Variants in ZNF721 observed in about 807,000 individuals in gnomAD.
The protein encoded by ZNF721 is zinc finger protein 721.
A neutral mutation model predicts 2.4 loss-of-function variants in ZNF721; 2 were observed. That is an observed-to-expected ratio of 0.82 (90% CI 0.34 to 2.58). The LOEUF (loss-of-function observed/expected upper bound fraction) is 2.58, where lower values mean the gene tolerates loss of function less well. Among genes scored for constraint, ZNF721 ranks in the 30% most tolerant of loss-of-function variants. The pLI, the probability that ZNF721 is intolerant of heterozygous loss-of-function variation, is 0.11. For missense variants in ZNF721, 1,187 were observed against 1,085.5 expected (o/e 1.09, Z -1.31); for synonymous variants, 398 against 381.8 (o/e 1.04, Z -0.50).
chr4:442,745 T>C lies in ZNF721; in HGVS notation c.1722A>G (p.Val574=), dbSNP rs200938371. 937 of 1,614,226 alleles carry C rather than the reference T, an allele frequency of 5.8e-4. 4 individuals are homozygous for C. In the Middle Eastern group the frequency reaches 0.01, roughly 18 times the overall value. Residue 574 remains valine, a synonymous_variant, in exon 3 of 3, where the codon GTA becomes GTG. Coordinates refer to ENST00000511833, the MANE Select transcript of ZNF721 (RefSeq NM_133474.4). ...KTFRQSANLY[V]HRRIHTGEKP... is the part of the protein sequence containing the mutation. Reference sequence around the variant, plus strand: ...TCTCTCCAGTATGAATTCTCCTATGTACATAAAGGTTTGCGGACTGTCTAA... The same window carrying C: ...TCTCTCCAGTATGAATTCTCCTATGCACATAAAGGTTTGCGGACTGTCTAA...
chr4:444,374 G>C lies in ZNF721; in HGVS notation c.93C>G (p.Phe31Leu), dbSNP rs782400170. Residue 31 changes from phenylalanine (F) to leucine (L), a missense_variant, in exon 3 of 3, where the codon TTC becomes TTG. Coordinates refer to ENST00000511833, the MANE Select transcript of ZNF721 (RefSeq NM_133474.4). ...CATATCTTCTCAGTATAAGTTTGTG[G>C]AATGAATCTTCTATCCCCTGCACTG... ...FLPVQGIEDS[F>L]HKLILRRYEK... 13 of 1,612,426 alleles carry C rather than the reference G, an allele frequency of 8.1e-6. No homozygotes were observed. In the South Asian group the frequency reaches 8.8e-5, roughly 11 times the overall value.
At position 444,035 on chromosome 4, in the gene ZNF721, T is replaced by C. The variant is rs782261910; in HGVS notation, c.432A>G (p.Lys144=). ...TCAGGTCTGTGTACCATCCAAAGTC[T>C]TTGCCACGTTCTTCACAAGTGTAGG... ...EKPYTCEERG[K]DFGWYTDLNQ... The change falls in exon 3 of 3, where the codon AAA becomes AAG. Residue 144 remains lysine, a synonymous_variant. Transcript: ENST00000511833. 3 of 1,613,734 alleles carry C rather than the reference T, an allele frequency of 1.9e-6. No homozygotes were observed. Among genetic ancestry groups the C allele is most frequent in the Non-Finnish European group, 1.7e-6 (2 of 1,179,758 alleles).
chr4:444,233 GCT>G lies in ZNF721; in HGVS notation c.232_233del (p.Ser78GlnfsTer6), dbSNP rs1290636101. ...CACGTGCATTACATTGAAATATTTT[GCT>G]CTGAGTATTTGACAAGCATTTATTA... ...GINKCLSNTQ[S>X]KIFQCNARVK... On this transcript the variant is annotated frameshift_variant, in exon 3 of 3. Coordinates refer to ENST00000511833, the MANE Select transcript of ZNF721 (RefSeq NM_133474.4). LOFTEE classifies it low-confidence loss of function (END_TRUNC). 2.5e-6 allele frequency: 4 copies of G among 1,613,442 alleles called. No individual in the cohort carries two copies. The highest frequency in any genetic ancestry group is 2.7e-5 in the African/African-American group (2 of 74,860).
rs1413928848 is a variant in ZNF721, at chr4:445,966, G to A, written c.35-1534C>T. Among the ~76,000 whole-genome samples the A allele has an allele frequency of 3.3e-5, 5 of 151,912 alleles. No homozygotes were observed. The East Asian group carries it at 7.7e-4, about 23-fold the overall frequency. On this transcript the variant is annotated intron_variant, in intron 2 of 2. Transcript: ENST00000511833. ...GGAACTGCAATATAATTAAGATGCT[G>A]GAGAAAAAAAAATTCTACATGGGAA... is the stretch of plus-strand genomic sequence containing the variant.
intron 2 of ZNF721, among the ~76,000 whole-genome samples, chr4:447,956 T>C (rs1254904445): frequency 2.0e-5 from 3 of 152,128 alleles, no homozygotes; most frequent in South Asian, 4.1e-4. Flanking sequence ...AAAAGCAATA[T>C]AATTATACTA....
At chr4:474,193 G>A in intron 1 of ZNF721, 1 of 442,248 alleles carries the variant, frequency 2.3e-6, no homozygotes, top group Non-Finnish European at 4.2e-6. Context: ...CTCAGACTGC[G>A]CGCCTGATTG....
At chr4:456,240 T>G (rs1553865430) in intron 2 of ZNF721, among the ~76,000 whole-genome samples, 1 of 152,060 alleles carries the variant, frequency 6.6e-6, no homozygotes, top group Non-Finnish European at 1.5e-5. Context: ...CTGGCTAATT[T>G]TCTATTTTTA....
Position 469,452 on chromosome 4 carries a change from C to A in ZNF721, c.34+3123G>T, listed in dbSNP as rs782577546. Among the ~76,000 whole-genome samples, 3 of 151,996 alleles carry A rather than the reference C, an allele frequency of 2.0e-5. No individual in the cohort carries two copies. In the South Asian group the frequency reaches 6.2e-4, roughly 31 times the overall value. ...CAATAATGACAGAAATTGAAGCAGA[C>A]ACAAACACATATTTCATTAGGATCA... On this transcript the variant is annotated intron_variant, in intron 2 of 2. Coordinates refer to ENST00000511833, the MANE Select transcript of ZNF721 (RefSeq NM_133474.4).
intron 1 of ZNF721, among the ~76,000 whole-genome samples, chr4:493,684 C>A (rs1395796021): frequency 3.7e-4 from 46 of 123,122 alleles, no homozygotes; most frequent in African/African-American, 7.3e-4. Flanking sequence ...ATCCCCCCCG[C>A]AAAAAAAAAA....
intron 2 of ZNF721, among the ~76,000 whole-genome samples, chr4:454,643 C>A (rs189490765): frequency 8.3e-4 from 127 of 152,198 alleles, no homozygotes; most frequent in African/African-American, 2.9e-3. Flanking sequence ...CTATGCCTTC[C>A]CCATGTATCT....
At position 441,896 on chromosome 4, in the gene ZNF721, T is replaced by C. The variant is rs782755077; in HGVS notation, c.2571A>G (p.Arg857=). 4.3e-6 allele frequency: 7 copies of C among 1,613,846 alleles called. No homozygotes were observed. The East Asian group carries it at 1.6e-4, about 36-fold the overall frequency. ...TGTAGGGTTTCTCTCCAGTATGAATTCTCCTATGTACATAAAGGATTGCTG... is the reference window on the plus strand; with the variant it reads ...TGTAGGGTTTCTCTCCAGTATGAATCCTCCTATGTACATAAAGGATTGCTG... ...RQSAILYVHR[R]IHTGEKPYTC... Residue 857 remains arginine, a synonymous_variant, in exon 3 of 3, where the codon AGA becomes AGG. Transcript: ENST00000511833.
chr4:448,890 T>A (rs1219276530), intron 2 of ZNF721, among the ~76,000 whole-genome samples: 1 of 152,112 alleles, frequency 6.6e-6, no homozygotes, highest in South Asian at 2.1e-4. Flanking sequence ...ATTTGAAATA[T>A]TAAAATGAAA....
chr4:498,897 T>G (rs1192120260), intron 1 of ZNF721, among the ~76,000 whole-genome samples, 159 bp downstream of exon 1: 1 of 152,156 alleles, frequency 6.6e-6, no homozygotes, highest in Non-Finnish European at 1.5e-5. Flanking sequence ...GCTAATTTTT[T>G]GTATTTTTAG....
intron 2 of ZNF721, among the ~76,000 whole-genome samples, chr4:455,828 C>G (rs1248854962): frequency 6.6e-6 from 1 of 152,014 alleles, no homozygotes; most frequent in Non-Finnish European, 1.5e-5. Context: ...ATGTACTTAA[C>G]CCCACTAGAC....
intron 1 of ZNF721, chr4:473,929 C>G (rs1715547055): frequency 1.3e-6 from 2 of 1,498,472 alleles, no homozygotes; most frequent in South Asian, 1.1e-5. Context: ...CATTTGCCGC[C>G]GGTTCTGATG....
chr4:442,705 C>T lies in ZNF721; in HGVS notation c.1762G>A (p.Glu588Lys). 2 of 1,614,204 alleles carry T rather than the reference C, an allele frequency of 1.2e-6. No homozygotes were observed. Among genetic ancestry groups the T allele is most frequent in the Non-Finnish European group, 1.7e-6 (2 of 1,180,028 alleles). Reference sequence around the variant, plus strand: ...CGTCCAAAGGCTTTGCCACACTCTTCACATTTGTAAGGTTTCTCTCCAGTA... The same window carrying T: ...CGTCCAAAGGCTTTGCCACACTCTTTACATTTGTAAGGTTTCTCTCCAGTA... ...IHTGEKPYKC[E>K]ECGKAFGRYT... Residue 588 changes from glutamate to lysine, a missense_variant, in exon 3 of 3, where the codon GAA (glutamate) becomes AAA (lysine). Physicochemically the swap from Glu to Lys is moderately conservative, Grantham distance 56. Coordinates refer to ENST00000511833, the MANE Select transcript of ZNF721 (RefSeq NM_133474.4).
In ZNF721 at chr4:499,097, G is replaced by C. The variant is rs1244721253; in HGVS notation, c.-135C>G. ...ACCGTCGCGGACTCGCCGGGAAGACGGCCCCACGGAGCCGGGAACACCGCC... is the reference window on the plus strand; with the variant it reads ...ACCGTCGCGGACTCGCCGGGAAGACCGCCCCACGGAGCCGGGAACACCGCC... On this transcript the variant is annotated 5_prime_UTR_variant, in exon 1 of 3. Coordinates refer to ENST00000511833, the MANE Select transcript of ZNF721 (RefSeq NM_133474.4). The C allele has an allele frequency of 3.7e-6, 2 of 539,380 alleles. No homozygotes were observed. The highest frequency in any genetic ancestry group is 2.5e-5 in the South Asian group (1 of 39,302). The allele number at this position is 539,380 out of a possible 1,614,324, so 33.4% of individuals were successfully genotyped here.
chr4:498,721 A>ATTT (rs1576980625), intron 1 of ZNF721, among the ~76,000 whole-genome samples: 16 of 131,782 alleles, frequency 1.2e-4, no homozygotes, highest in Middle Eastern at 4.5e-3. Context: ...ATTGGGTTGA[A>ATTT]TTTTCTTTTT....
chr4:480,451 TAC>T (rs1451576654), intron 1 of ZNF721, among the ~76,000 whole-genome samples: 2 of 152,244 alleles, frequency 1.3e-5, no homozygotes, highest in Non-Finnish European at 2.9e-5. Flanking sequence ...TTTTAATGTG[TAC>T]AGTTTAGTAG....
Sources: allele counts gnomAD v4.1 joint callset (sites outside exome capture counted in the v4.1 genomes callset), GRCh38; gene constraint gnomAD v4.1.1; transcripts MANE v1.5; gene names NCBI Gene and HGNC (gene_info 2026-07-23, HGNC 2026-07-21).